DUOX2: variants seen among roughly 807,000 people sequenced by gnomAD.
The protein encoded by DUOX2 is NADH/NADPH thyroid oxidase p138-tox.
Under a neutral mutation model 183.3 loss-of-function variants are expected in DUOX2, and 185 were observed. The ratio of observed to expected loss-of-function variants is 1.01; its 90% CI spans 0.90 to 1.14. The LOEUF (loss-of-function observed/expected upper bound fraction) is 1.14, where lower values mean the gene tolerates loss of function less well. Among genes scored for constraint, DUOX2 ranks in the 50% most tolerant of loss-of-function variants. The probability of loss-of-function intolerance (pLI) is 0.00; values close to 1 mark genes in which losing one functional copy is unlikely to be tolerated. For synonymous variants in DUOX2, 788 were observed against 812.4 expected (o/e 0.97, Z 0.51); for missense variants, 1,999 against 2,022.9 (o/e 0.99, Z 0.23).
At chr15:45,096,210 G>C in intron 29 of DUOX2, 150 bp from the exon 30 acceptor site, 1 of 722,412 alleles carries the variant, frequency 1.4e-6, no homozygotes, top group Non-Finnish European at 2.5e-6. Context: ...GGGAGTAGGA[G>C]GGTCCCCTTC....
intron 21 of DUOX2, 176 bp downstream of exon 21, chr15:45,101,617 C>G: frequency 1.3e-6 from 1 of 755,510 alleles, no homozygotes; most frequent in South Asian, 1.7e-5. Context: ...CAGTGGGTAT[C>G]ATTGTGCATT....
chr15:45,113,183 G>C, intron 2 of DUOX2, 107 bp from the exon 3 acceptor site: 4 of 1,451,144 alleles, frequency 2.8e-6, no homozygotes, highest in Non-Finnish European at 3.8e-6. Context: ...GCCCCTAACC[G>C]GACCCAAGTG....
chr15:45,100,333 G>T, intron 23 of DUOX2, 105 bp from the exon 24 acceptor site: 1 of 1,110,054 alleles, frequency 9.0e-7, no homozygotes, highest in Non-Finnish European at 1.3e-6. Context: ...CATCAGGATG[G>T]GCCACAACAG....
chr15:45,101,124 C>T (rs1894070049), intron 22 of DUOX2, 81 bp downstream of exon 22: 4 of 1,290,226 alleles, frequency 3.1e-6, no homozygotes, highest in Non-Finnish European at 4.5e-6. Context: ...TTACCAGGGG[C>T]TGATCAGCCA....
intron 20 of DUOX2, among the ~76,000 whole-genome samples, chr15:45,103,557 G>C (rs997427918): frequency 1.3e-5 from 2 of 152,222 alleles, no homozygotes; most frequent in African/African-American, 4.8e-5. Flanking sequence ...TCATGGTGAT[G>C]AATAGCGGAG....
At position 45,100,232 on chromosome 15, in the gene DUOX2, T is replaced by C. The variant is rs1894044749; in HGVS notation, c.3006-4A>G. The C allele has an allele frequency of 1.9e-6, 3 of 1,612,278 alleles. No homozygotes were observed. The highest frequency in any genetic ancestry group is 1.3e-5 in the African/African-American group (1 of 74,898). Reference sequence around the variant, plus strand: ...CCGGGGAGTGGGCACTGCTGCCCTATAGCAAGGGGAGGCAGGGCAGCAGTG... The same window carrying C: ...CCGGGGAGTGGGCACTGCTGCCCTACAGCAAGGGGAGGCAGGGCAGCAGTG... On this transcript the variant is annotated splice_polypyrimidine_tract_variant and splice_region_variant and intron_variant, in intron 23 of 33. Transcript: ENST00000389039.
At chr15:45,102,032 G>T in intron 20 of DUOX2, 43 bp from the exon 21 acceptor site, 1 of 1,609,916 alleles carries the variant, frequency 6.2e-7, no homozygotes, top group Non-Finnish European at 8.5e-7. Flanking sequence ...ACCCAGCAAG[G>T]TCAGGCTTGG....
rs751115246 is a variant in DUOX2, at chr15:45,095,454, G to A, written c.4222C>T (p.Gln1408Ter). 6.2e-7 allele frequency: 1 copy of A among 1,614,236 alleles called. No individual in the cohort carries two copies. Among genetic ancestry groups the A allele is most frequent in the South Asian group, 1.1e-5 (1 of 91,086 alleles). ...ATGCTCACCTTCTTACACAGCATTT[G>A]GCTGCCCAAGGATGACTTGAAGACC... is the stretch of plus-strand genomic sequence containing the variant. ...DLVFKSSLGS[Q>*]MLCKKIYFIW... Residue 1408 changes from glutamine (Q) to a stop codon, truncating the protein, a stop_gained, in exon 31 of 34, where the codon CAA (glutamine) becomes TAA (stop). Coordinates refer to ENST00000389039, the MANE Select transcript of DUOX2 (RefSeq NM_001363711.2). LOFTEE classifies it high-confidence loss of function.
At chr15:45,109,311 T>C (rs1248979838) in intron 11 of DUOX2, 2 of 605,902 alleles carry the variant, frequency 3.3e-6, no homozygotes, top group African/African-American at 3.8e-5. Context: ...TACTCAGACA[T>C]AGTTAATTTA....
chr15:45,105,693 G>A lies in DUOX2; in HGVS notation c.2284C>T (p.Gln762Ter). ...ATCTCCAGGATGCGTTCCCGCTGCT[G>A]CTTTGTCACAGCCTTCCTAAATAGC... ...KELFRKAVTK[Q>*]QRERILEIFF... Residue 762 changes from glutamine (Q) to a stop codon, truncating the protein, a stop_gained, in exon 18 of 34, where the codon CAG becomes TAG. Coordinates refer to ENST00000389039, the MANE Select transcript of DUOX2 (RefSeq NM_001363711.2). LOFTEE classifies it high-confidence loss of function. The A allele has an allele frequency of 6.2e-7, 1 of 1,614,232 alleles. No individual in the cohort carries two copies. The highest frequency in any genetic ancestry group is 8.5e-7 in the Non-Finnish European group (1 of 1,180,042).
intron 7 of DUOX2, 124 bp from the exon 8 acceptor site, chr15:45,110,834 A>G: frequency 6.8e-7 from 1 of 1,462,448 alleles, no homozygotes; most frequent in Non-Finnish European, 9.3e-7. Flanking sequence ...GGGAGAAGCA[A>G]CTCAGACAGG....
Position 45,095,087 on chromosome 15 carries a change from T to C in DUOX2, c.4244A>G (p.Tyr1415Cys), listed in dbSNP as rs757012152. 3.1e-6 allele frequency: 5 copies of C among 1,613,404 alleles called. No individual in the cohort carries two copies. In the African/African-American group the frequency reaches 5.3e-5, roughly 17 times the overall value. Residue 1415 changes from tyrosine to cysteine, a missense_variant, in exon 32 of 34, where the codon TAC becomes TGC. Physicochemically the swap from Tyr to Cys is radical, Grantham distance 194. Transcript: ENST00000389039. ...LGSQMLCKKI[Y>C]FIWVTRTQRQ... ...CTGGGTCCGTGTCACCCAGATGAAGTAGATCTGGGGACACAGGGCTGGAGA... is the reference window on the plus strand; with the variant it reads ...CTGGGTCCGTGTCACCCAGATGAAGCAGATCTGGGGACACAGGGCTGGAGA...
chr15:45,104,240 C>T lies in DUOX2; in HGVS notation c.2460G>A (p.Gln820=). The change falls in exon 19 of 34, where the codon CAG becomes CAA. Residue 820 remains glutamine, a synonymous_variant. Transcript: ENST00000389039. ...EFAESLGLKP[Q]DMFVESMFSL... ...AGAACATGGACTCCACAAACATGTC[C>T]TGGGGCTTGAGGCCCAGGGACTCGG... is the stretch of plus-strand genomic sequence containing the variant. The T allele has an allele frequency of 6.2e-7, 1 of 1,614,090 alleles. No individual in the cohort carries two copies. The highest frequency in any genetic ancestry group is 1.1e-5 in the South Asian group (1 of 91,060).
chr15:45,108,453 T>C, intron 12 of DUOX2: 1 of 608,008 alleles, frequency 1.6e-6, no homozygotes, highest in South Asian at 2.0e-5. Flanking sequence ...CCTGTGACCA[T>C]CACCAGCCTG....
chr15:45,113,560 T>C (rs1000680012), intron 1 of DUOX2, 135 bp from the exon 2 acceptor site: 9 of 729,674 alleles, frequency 1.2e-5, no homozygotes, highest in East Asian at 2.7e-5. Context: ...AAGGTAGCTG[T>C]TAGAAGCATC....
chr15:45,110,109 G>T, intron 9 of DUOX2, 129 bp from the exon 10 acceptor site: 2 of 869,350 alleles, frequency 2.3e-6, no homozygotes, highest in Non-Finnish European at 3.9e-6. Context: ...CTTGAACACG[G>T]CAGAGATTTG....
At chr15:45,098,181 T>C (rs1225376812) in intron 26 of DUOX2, 123 bp from the exon 27 acceptor site, 1 of 897,940 alleles carries the variant, frequency 1.1e-6, no homozygotes, top group Non-Finnish European at 1.8e-6. Context: ...TCCACCCAGT[T>C]GGCCAGGGAT....
At position 45,100,192 on chromosome 15, in the gene DUOX2, C is replaced by G. The variant is rs112598817; in HGVS notation, c.3042G>C (p.Ala1014=). 1 of 1,614,046 alleles carries G rather than the reference C, an allele frequency of 6.2e-7. No homozygotes were observed. Among genetic ancestry groups the G allele is most frequent in the Non-Finnish European group, 8.5e-7 (1 of 1,180,010 alleles). ...AVPTPRLYTE[A]LQEKMQRGFL... ...AGCCTCGCTGCATCTTCTCTTGCAGCGCCTCTGTGTACAGCCGGGGAGTGG... is the reference window on the plus strand; with the variant it reads ...AGCCTCGCTGCATCTTCTCTTGCAGGGCCTCTGTGTACAGCCGGGGAGTGG... The change falls in exon 24 of 34, where the codon GCG becomes GCC. Residue 1014 remains alanine, a synonymous_variant. Coordinates refer to ENST00000389039, the MANE Select transcript of DUOX2 (RefSeq NM_001363711.2).
In DUOX2 at chr15:45,111,599, G is replaced by C. The variant is rs533037683; in HGVS notation, c.514-14C>G. 1,842 of 1,526,612 alleles carry C rather than the reference G, an allele frequency of 1.2e-3. 15 individuals are homozygous for C. The Middle Eastern group carries it at 0.012, about 10-fold the overall frequency. 94.6% of individuals were successfully genotyped at this position (1,526,612 alleles called of 1,614,324 possible). On this transcript the variant is annotated splice_polypyrimidine_tract_variant and intron_variant, in intron 5 of 33. Coordinates refer to ENST00000389039, the MANE Select transcript of DUOX2 (RefSeq NM_001363711.2). ...CACCTGGTTGGCCTGCGGGGCACGC[G>C]GCGGGTGAGCCCGGGTCGAGAGGCG... is the stretch of plus-strand genomic sequence containing the variant.
Sources: allele counts gnomAD v4.1 joint callset (sites outside exome capture counted in the v4.1 genomes callset), GRCh38; gene constraint gnomAD v4.1.1; transcripts MANE v1.5; gene names NCBI Gene and HGNC (gene_info 2026-07-23, HGNC 2026-07-21).